SPEF2: variants seen among roughly 807,000 people sequenced by gnomAD.
SPEF2 encodes the protein sperm flagellar and cilia associated 2, also known as sperm flagella and cilia-associated protein 2.
SPEF2 carries 187 observed loss-of-function variants against 224.6 expected under a neutral mutation model. That is an observed-to-expected ratio of 0.83 (90% confidence interval 0.74 to 0.94). The LOEUF (loss-of-function observed/expected upper bound fraction) is 0.94. Ranked by LOEUF, SPEF2 falls within the 40% of genes least tolerant of loss-of-function variation. The pLI, the probability that SPEF2 is intolerant of heterozygous loss-of-function variation, is 0.00. For missense variants in SPEF2, 2,170 were observed against 2,135.6 expected, an observed-to-expected ratio of 1.02 and a Z score of -0.32; for synonymous variants, 715 against 707.3, an observed-to-expected ratio of 1.01 and a Z score of -0.17.
chr5:35,765,471 C>T (rs1751969966), intron 26 of SPEF2, among the ~76,000 whole-genome samples: 1 of 152,136 alleles, frequency 6.6e-6, no homozygotes. Context: ...GTGCTATCTT[C>T]AAAGCTAGTA....
At chr5:35,802,924 A>G (rs1458759287) in intron 34 of SPEF2, among the ~76,000 whole-genome samples, 2 of 152,114 alleles carry the variant, frequency 1.3e-5, no homozygotes, top group African/African-American at 4.8e-5. Flanking sequence ...TGTTGAGGAG[A>G]GACTACAGAC....
intron 1 of SPEF2, among the ~76,000 whole-genome samples, 183 bp downstream of exon 1, chr5:35,618,238 C>A (rs919072741): frequency 6.6e-6 from 1 of 152,152 alleles, no homozygotes; most frequent in Non-Finnish European, 1.5e-5. Context: ...GTCCGTCCCG[C>A]CACCTCCCTA....
chr5:35,695,852 T>C (rs1755235720), intron 14 of SPEF2, 56 bp downstream of exon 14: 3 of 1,379,518 alleles, frequency 2.2e-6, no homozygotes, highest in East Asian at 4.9e-5. Flanking sequence ...TCATGATTAA[T>C]GGTGTTTTGG....
At chr5:35,685,985 A>G (rs556870206) in intron 10 of SPEF2, among the ~76,000 whole-genome samples, 2 of 151,930 alleles carry the variant, frequency 1.3e-5, no homozygotes, top group Admixed American at 1.3e-4. Flanking sequence ...CTCTCTTTGG[A>G]TTTCACAAGC....
chr5:35,765,294 G>T (rs143506573), intron 26 of SPEF2, among the ~76,000 whole-genome samples: 2 of 151,888 alleles, frequency 1.3e-5, no homozygotes, highest in Non-Finnish European at 2.9e-5. Context: ...TTGCTGTATT[G>T]TGTTGCATTA....
chr5:35,676,862 G>A (rs1343523382), intron 10 of SPEF2, among the ~76,000 whole-genome samples: 1 of 152,136 alleles, frequency 6.6e-6, no homozygotes, highest in Non-Finnish European at 1.5e-5. Flanking sequence ...AGATATGTAG[G>A]ACTGAGAACC....
intron 24 of SPEF2, among the ~76,000 whole-genome samples, chr5:35,756,431 A>C (rs1750457582): frequency 6.6e-6 from 1 of 152,182 alleles, no homozygotes; most frequent in Non-Finnish European, 1.5e-5. Context: ...CTTATTTTGC[A>C]CTGATCAACA....
chr5:35,662,627 GT>G lies in SPEF2; in HGVS notation c.1167+3423del, dbSNP rs1749904182. The stretch of plus-strand genomic sequence containing the variant: ...GTATATGGTGTAAGGGAGGGGTCCA[GT>G]TTCTATCTTCTGCATATAGGTAGCC... On this transcript the variant is annotated intron_variant, in intron 8 of 36. Coordinates refer to ENST00000356031, the MANE Select transcript of SPEF2 (RefSeq NM_024867.4). Among the ~76,000 whole-genome samples, 9 of 152,302 alleles carry G rather than the reference GT, an allele frequency of 5.9e-5. No individual in the cohort carries two copies. The South Asian group carries it at 1.9e-3, about 32-fold the overall frequency.
chr5:35,747,527 G>A (rs879848097), intron 23 of SPEF2, among the ~76,000 whole-genome samples: 6 of 152,176 alleles, frequency 3.9e-5, no homozygotes, highest in Admixed American at 6.5e-5. Flanking sequence ...AGTGAGCAGG[G>A]TAGCTATTCT....
In SPEF2 at chr5:35,705,703, C is replaced by A; in HGVS notation, c.2560C>A (p.Pro854Thr). ...WPLLEQWFSE[P>T]ENILIKINAE... Reference sequence around the variant, plus strand: ...TTTATTGGAGCAATGGTTTTCAGAGCCAGAAAATATTTTGATAAAAATCAA... The same window carrying A: ...TTTATTGGAGCAATGGTTTTCAGAGACAGAAAATATTTTGATAAAAATCAA... Residue 854 changes from proline (P) to threonine (T), a missense_variant, in exon 18 of 37, where the codon CCA becomes ACA. Pro to Thr is a conservative substitution (Grantham distance 38). Coordinates refer to ENST00000356031, the MANE Select transcript of SPEF2 (RefSeq NM_024867.4). 6.3e-7 allele frequency: 1 copy of A among 1,590,000 alleles called. No homozygotes were observed. The highest frequency in any genetic ancestry group is 1.9e-5 in the Admixed American group (1 of 53,612).
chr5:35,795,612 G>C, intron 32 of SPEF2, 91 bp from the exon 33 acceptor site: 3 of 1,093,420 alleles, frequency 2.7e-6, no homozygotes, highest in Non-Finnish European at 4.0e-6. Context: ...AACTGCTCTA[G>C]AGACAAGATT....
chr5:35,628,678 A>G (rs1744621530), intron 2 of SPEF2, 116 bp downstream of exon 2: 4 of 659,136 alleles, frequency 6.1e-6, no homozygotes, highest in African/African-American at 3.7e-5. Context: ...AGCAACCTCA[A>G]ACTCCTGGGA....
chr5:35,680,832 A>C (rs115296784), intron 10 of SPEF2, among the ~76,000 whole-genome samples: 1,962 of 152,330 alleles, frequency 0.013, 19 homozygotes, highest in Non-Finnish European at 0.021. Flanking sequence ...TTAAATTTCA[A>C]GCCTGTAGAC....
chr5:35,752,238 CT>C (rs1421509242), intron 23 of SPEF2, among the ~76,000 whole-genome samples: 1 of 152,016 alleles, frequency 6.6e-6, no homozygotes, highest in African/African-American at 2.4e-5. Flanking sequence ...TTGGGGACCC[CT>C]GATGTAATGC....
chr5:35,705,501 TTAATC>T (rs1739567952), intron 17 of SPEF2, 145 bp from the exon 18 acceptor site: 4 of 542,780 alleles, frequency 7.4e-6, no homozygotes, highest in Non-Finnish European at 6.1e-6. Flanking sequence ...AATTTCTTCT[TTAATC>T]TAAAATAAAT....
chr5:35,802,276 C>T (rs750618410), intron 34 of SPEF2, among the ~76,000 whole-genome samples: 14 of 152,188 alleles, frequency 9.2e-5, no homozygotes, highest in Non-Finnish European at 1.3e-4. Flanking sequence ...ACGAAGCATC[C>T]CCTGACAACA....
chr5:35,739,683 C>G, intron 21 of SPEF2, among the ~76,000 whole-genome samples: 1 of 152,044 alleles, frequency 6.6e-6, no homozygotes, highest in Non-Finnish European at 1.5e-5. Context: ...CACGACCGCC[C>G]GCCCCCAATT....
At chr5:35,763,150 GT>G (rs1341244209) in intron 25 of SPEF2, among the ~76,000 whole-genome samples, 24 of 152,144 alleles carry the variant, frequency 1.6e-4, no homozygotes, top group Admixed American at 1.6e-3. Context: ...GTTTCGTTTG[GT>G]TTGCTTTTTC....
intron 15 of SPEF2, 127 bp from the exon 16 acceptor site, chr5:35,700,369 T>A (rs763019120): frequency 3.5e-5 from 29 of 824,302 alleles, no homozygotes; most frequent in Non-Finnish European, 4.3e-5. Flanking sequence ...CTTTTAGCTA[T>A]GAAGTAATGA....
Sources: gnomAD v4.1 joint callset for allele counts (sites outside exome capture counted in the v4.1 genomes callset) on GRCh38, gnomAD v4.1.1 for gene constraint, MANE v1.5 for transcripts, NCBI Gene and HGNC (gene_info 2026-07-23, HGNC 2026-07-21) for gene names.